The following ABCC4 variants were observed in gnomAD, a reference collection of about 807,000 sequenced individuals.
ABCC4 encodes ATP-binding cassette sub-family C member 4.
Under a neutral mutation model 168.5 loss-of-function variants are expected in ABCC4, and 102 were observed. That is an observed-to-expected ratio of 0.61 (90% CI 0.52 to 0.71). ABCC4 has a LOEUF of 0.71. Among genes scored for constraint, ABCC4 ranks in the 30% least tolerant of loss-of-function variants. ABCC4 has a pLI of 0.00. For synonymous variants in ABCC4, 617 were observed against 590.7 expected (o/e 1.04, Z -0.65); for missense variants, 1,402 against 1,605.8 (o/e 0.87, Z 2.17).
chr13:95,206,867 T>G, intron 7 of ABCC4, 86 bp from the exon 8 acceptor site: 1 of 1,459,482 alleles, frequency 6.9e-7, no homozygotes. Context: ...CTTTGGGAGC[T>G]GAGGTGGATG....
chr13:95,075,584 A>G, intron 21 of ABCC4, 33 bp from the exon 22 acceptor site: 1 of 1,613,038 alleles, frequency 6.2e-7, no homozygotes, highest in Non-Finnish European at 8.5e-7. Context: ...CAGCTCAGTG[A>G]GGCTGGGTGC....
chr13:95,280,174 G>A (rs764461903), intron 1 of ABCC4, among the ~76,000 whole-genome samples: 4 of 152,006 alleles, frequency 2.6e-5, no homozygotes, highest in Admixed American at 6.6e-5. Flanking sequence ...GCTAAGGCTC[G>A]GGAGGCCAAG....
At chr13:95,074,689 A>C (rs920167177) in intron 22 of ABCC4, among the ~76,000 whole-genome samples, 2 of 152,180 alleles carry the variant, frequency 1.3e-5, no homozygotes, top group African/African-American at 4.8e-5. Context: ...CCAACAGCAG[A>C]GTGCAGCTCC....
At chr13:95,080,581 C>A (rs12867863) in intron 21 of ABCC4, among the ~76,000 whole-genome samples, 41,820 of 152,034 alleles carry the variant, frequency 0.28, 6,357 homozygotes, top group Non-Finnish European at 0.36. Context: ...TCAAGAGATT[C>A]TCATGTCTCA....
At chr13:95,238,901 G>A (rs1244394429) in intron 3 of ABCC4, among the ~76,000 whole-genome samples, 1 of 152,144 alleles carries the variant, frequency 6.6e-6, no homozygotes, top group Non-Finnish European at 1.5e-5. Flanking sequence ...CAGAACTGCT[G>A]CCAAATGTTA....
chr13:95,175,825 C>T (rs1297912679), intron 13 of ABCC4, among the ~76,000 whole-genome samples: 1 of 152,156 alleles, frequency 6.6e-6, no homozygotes, highest in East Asian at 1.9e-4. Flanking sequence ...CAGAACTCTG[C>T]AGAAACAACC....
Position 95,084,514 on chromosome 13 carries a change from T to C in ABCC4, c.2536-1224A>G, listed in dbSNP as rs150595575. On this transcript the variant is annotated intron_variant, in intron 20 of 30. Transcript: ENST00000645237. The stretch of plus-strand genomic sequence containing the variant: ...ATGTTTTAAAAGACCTGAGACTTTT[T>C]TCTTTTTATTACAATATATTGAATT... 2.6e-5 allele frequency among the ~76,000 whole-genome samples: 4 copies of C among 152,342 alleles called. No individual in the cohort carries two copies. In the East Asian group the frequency reaches 5.8e-4, roughly 22 times the overall value.
At position 95,234,706 on chromosome 13, in the gene ABCC4, C is replaced by T. The variant is rs202075826; in HGVS notation, c.435G>A (p.Thr145=). ...AGTGATGCAGTATAGCCAAAATGAG[C>T]GTGCAAAAAGTCAGCACCGTGGCAT... ...YAYATVLTFC[T]LILAILHHLY... The change falls in exon 4 of 31, where the codon ACG becomes ACA. Residue 145 remains threonine, a synonymous_variant. Coordinates refer to ENST00000645237, the MANE Select transcript of ABCC4 (RefSeq NM_005845.5). 1.8e-5 allele frequency: 29 copies of T among 1,614,066 alleles called. No individual in the cohort carries two copies. Among genetic ancestry groups the T allele is most frequent in the Admixed American group, 1.5e-4 (9 of 60,014 alleles).
chr13:95,189,512 C>G (rs1007794922), intron 9 of ABCC4, among the ~76,000 whole-genome samples: 1 of 152,160 alleles, frequency 6.6e-6, no homozygotes, highest in African/African-American at 2.4e-5. Flanking sequence ...TTTCATTAAC[C>G]TCCACAAGGT....
In ABCC4 at chr13:95,235,859, C is replaced by T. The variant is rs557586548; in HGVS notation, c.307-1025G>A. Among the ~76,000 whole-genome samples the T allele has an allele frequency of 1.9e-4, 29 of 152,268 alleles. No individual in the cohort carries two copies. The South Asian group carries it at 2.9e-3, about 15-fold the overall frequency. On this transcript the variant is annotated intron_variant, in intron 3 of 30. Transcript: ENST00000645237. ...GTGTGGAGTCAAAAATTAAACACAGCAGAAATTGAGCTCAAAGGGAATGTC... is the reference window on the plus strand; with the variant it reads ...GTGTGGAGTCAAAAATTAAACACAGTAGAAATTGAGCTCAAAGGGAATGTC...
intron 8 of ABCC4, among the ~76,000 whole-genome samples, chr13:95,197,124 T>A (rs936963130): frequency 3.9e-5 from 6 of 152,120 alleles, no homozygotes; most frequent in Non-Finnish European, 7.3e-5. Flanking sequence ...GTGTCCCCCA[T>A]CCTGCACTTA....
intron 19 of ABCC4, among the ~76,000 whole-genome samples, chr13:95,156,319 C>T (rs1227112664): frequency 6.6e-6 from 1 of 152,116 alleles, no homozygotes; most frequent in Admixed American, 6.5e-5. Flanking sequence ...ATAGAATTTC[C>T]AAGAAAGCTT....
intron 19 of ABCC4, among the ~76,000 whole-genome samples, chr13:95,124,713 G>GAAAAAA (rs59665124): frequency 1.5e-4 from 9 of 59,214 alleles, no homozygotes; most frequent in Non-Finnish European, 1.9e-4. Flanking sequence ...TACTAAAAAC[G>GAAAAAA]AAAAAAAAAA....
intron 28 of ABCC4, 131 bp from the exon 29 acceptor site, chr13:95,043,918 T>C: frequency 1.6e-6 from 1 of 636,076 alleles, no homozygotes; most frequent in Non-Finnish European, 2.6e-6. Flanking sequence ...AAAATCATGT[T>C]AAAATGTTTT....
At chr13:95,197,925 A>G (rs2038506664) in intron 8 of ABCC4, among the ~76,000 whole-genome samples, 2 of 152,338 alleles carry the variant, frequency 1.3e-5, no homozygotes, top group East Asian at 1.9e-4. Context: ...TTTTCTGTAC[A>G]TGGAAAAAAG....
At chr13:95,052,092 T>C (rs1566373658) in intron 27 of ABCC4, among the ~76,000 whole-genome samples, 2 of 152,240 alleles carry the variant, frequency 1.3e-5, no homozygotes, top group East Asian at 1.9e-4. Context: ...GCAATTCTCT[T>C]GTCTCAGCCT....
intron 1 of ABCC4, among the ~76,000 whole-genome samples, chr13:95,260,006 C>G (rs531712607): frequency 6.6e-6 from 1 of 152,134 alleles, no homozygotes; most frequent in African/African-American, 2.4e-5. Flanking sequence ...ACCAGCAGCA[C>G]CAGAATCCCC....
intron 4 of ABCC4, among the ~76,000 whole-genome samples, chr13:95,225,813 C>T (rs1413628918): frequency 6.7e-6 from 1 of 149,894 alleles, no homozygotes; most frequent in Non-Finnish European, 1.5e-5. Context: ...ATCTTTAAGA[C>T]CTCTATCCTA....
intron 11 of ABCC4, among the ~76,000 whole-genome samples, chr13:95,178,432 C>T (rs2037781685): frequency 6.6e-6 from 1 of 152,130 alleles, no homozygotes; most frequent in Admixed American, 6.5e-5. Context: ...AAGATTGACA[C>T]AAATGTAAGA....
Sources: gnomAD v4.1 joint callset for allele counts (sites outside exome capture counted in the v4.1 genomes callset) on GRCh38, gnomAD v4.1.1 for gene constraint, MANE v1.5 for transcripts, NCBI Gene and HGNC (gene_info 2026-07-23, HGNC 2026-07-21) for gene names.